The following DAPK1 variants were observed in gnomAD, a reference collection of about 807,000 sequenced individuals.
The protein encoded by DAPK1 is death-associated protein kinase 1.
In DAPK1, 56 loss-of-function variants were observed where a neutral mutation model predicts 144.9. The ratio of observed to expected loss-of-function variants is 0.39; its 90% CI spans 0.31 to 0.48. DAPK1 has a LOEUF of 0.48. Among genes scored for constraint, DAPK1 ranks in the 20% least tolerant of loss-of-function variants. The pLI is 0.95. For synonymous variants in DAPK1, 690 were observed against 749.0 expected (o/e 0.92, Z 1.29); for missense variants, 1,454 against 1,875.4 (o/e 0.78, Z 4.15).
chr9:87,668,349 G>T (rs778092927), intron 18 of DAPK1: 6 of 491,706 alleles, frequency 1.2e-5, no homozygotes, highest in Non-Finnish European at 2.2e-5. Flanking sequence ...GACCTGAAAG[G>T]TGTCGCTATT....
At chr9:87,512,258 G>T (rs1824876815) in intron 2 of DAPK1, among the ~76,000 whole-genome samples, 1 of 151,608 alleles carries the variant, frequency 6.6e-6, no homozygotes, top group Non-Finnish European at 1.5e-5. Flanking sequence ...AAGACACTGG[G>T]AATTTGATTA....
At chr9:87,659,270 C>T (rs1830744365) in intron 18 of DAPK1, among the ~76,000 whole-genome samples, 1 of 152,138 alleles carries the variant, frequency 6.6e-6, no homozygotes, top group African/African-American at 2.4e-5. Context: ...CCAGTTATTA[C>T]CAGTACTCCG....
At chr9:87,536,682 A>C (rs1050400410) in intron 2 of DAPK1, among the ~76,000 whole-genome samples, 4 of 152,126 alleles carry the variant, frequency 2.6e-5, no homozygotes, top group Admixed American at 2.0e-4. Context: ...GTCAGACTCA[A>C]ATTTTACTAG....
At chr9:87,525,467 T>C in intron 2 of DAPK1, 2 of 1,567,522 alleles carry the variant, frequency 1.3e-6, no homozygotes, top group South Asian at 1.1e-5. Context: ...TTTCATTAAG[T>C]TGGACTAAAT....
intron 2 of DAPK1, among the ~76,000 whole-genome samples, chr9:87,572,357 A>G (rs1827392994): frequency 6.6e-6 from 1 of 152,226 alleles, no homozygotes; most frequent in African/African-American, 2.4e-5. Context: ...GTGCCGTTAT[A>G]GATGGGAGCC....
At chr9:87,698,965 A>G (rs1430710278) in intron 23 of DAPK1, among the ~76,000 whole-genome samples, 171 bp downstream of exon 23, 1 of 152,212 alleles carries the variant, frequency 6.6e-6, no homozygotes, top group Non-Finnish European at 1.5e-5. Context: ...CTTATTGGAA[A>G]TGATCGGCTT....
intron 18 of DAPK1, among the ~76,000 whole-genome samples, chr9:87,660,804 G>C (rs1327670783): frequency 6.6e-6 from 1 of 152,104 alleles, no homozygotes; most frequent in Non-Finnish European, 1.5e-5. Context: ...TGCTACAAAG[G>C]ACATGATTTC....
chr9:87,607,212 C>G (rs1828763615), intron 3 of DAPK1, among the ~76,000 whole-genome samples: 1 of 152,060 alleles, frequency 6.6e-6, no homozygotes, highest in Non-Finnish European at 1.5e-5. Context: ...GAGACAGCAG[C>G]CTAGAGTGAA....
intron 2 of DAPK1, chr9:87,554,223 G>A (rs1252287458): frequency 6.6e-6 from 1 of 152,176 alleles, no homozygotes; most frequent in Non-Finnish European, 1.5e-5. Context: ...ATTTCCACTT[G>A]ATTTTGCCAT....
At chr9:87,603,158 C>T (rs1828588697) in intron 2 of DAPK1, among the ~76,000 whole-genome samples, 1 of 152,096 alleles carries the variant, frequency 6.6e-6, no homozygotes, top group East Asian at 1.9e-4. Flanking sequence ...GACACAATAA[C>T]ATCTTTGTAA....
At position 87,690,791 on chromosome 9, in the gene DAPK1, G is replaced by A. The variant is rs894802015; in HGVS notation, c.2413+4052G>A. ...GTTGAATTTTGTCAAATGCTTTTTC[G>A]GCATCTGTTGAGATTATGATATGGC... On this transcript the variant is annotated intron_variant, in intron 21 of 25. Coordinates refer to ENST00000408954, the MANE Select transcript of DAPK1 (RefSeq NM_004938.4). 1.9e-4 allele frequency among the ~76,000 whole-genome samples: 29 copies of A among 151,814 alleles called. 1 individual carries two copies. Among genetic ancestry groups the A allele is most frequent in the African/African-American group, 6.0e-4 (25 of 41,330 alleles).
chr9:87,565,018 C>T (rs901569169), intron 2 of DAPK1, among the ~76,000 whole-genome samples: 5 of 152,112 alleles, frequency 3.3e-5, no homozygotes, highest in African/African-American at 4.8e-5. Flanking sequence ...TCTGGGAAAA[C>T]ACAGTGAAAA....
rs1830122819 is a variant in DAPK1, at chr9:87,642,208, C to CT, written c.918+151dup. The CT allele has an allele frequency of 1.3e-5, 7 of 522,818 alleles. 1 individual carries two copies. The South Asian group carries it at 3.1e-4, about 23-fold the overall frequency. 32.4% of individuals were successfully genotyped at this position (522,818 alleles called of 1,614,324 possible). Reference sequence around the variant, plus strand: ...CCCTGTAGTGTTCTGCACCATTACTCTATTTTGAAAAACAAGCAAAAACAA... The same window carrying CT: ...CCCTGTAGTGTTCTGCACCATTACTCTTATTTTGAAAAACAAGCAAAAACAA... On this transcript the variant is annotated intron_variant, in intron 10 of 25. Coordinates refer to ENST00000408954, the MANE Select transcript of DAPK1 (RefSeq NM_004938.4).
chr9:87,703,306 C>G, intron 25 of DAPK1, 89 bp downstream of exon 25: 1 of 710,990 alleles, frequency 1.4e-6, no homozygotes, highest in Non-Finnish European at 2.5e-6. Flanking sequence ...GTGGTGTGAG[C>G]CTGGGGAAGC....
intron 2 of DAPK1, 106 bp downstream of exon 2, chr9:87,499,245 CT>C: frequency 9.9e-7 from 1 of 1,011,504 alleles, no homozygotes; most frequent in Non-Finnish European, 1.5e-6. Context: ...CTCCCTCGCC[CT>C]TTCTGGAGAT....
chr9:87,518,097 ATGTTGT>A (rs761493928), intron 2 of DAPK1, among the ~76,000 whole-genome samples: 2 of 70,160 alleles, frequency 2.9e-5, no homozygotes, highest in African/African-American at 4.9e-5. Flanking sequence ...TTTGCCGTTT[ATGTTGT>A]TGTTTTTTTT....
chr9:87,607,773 G>A (rs756082435), intron 3 of DAPK1, among the ~76,000 whole-genome samples: 9 of 151,946 alleles, frequency 5.9e-5, no homozygotes, highest in African/African-American at 1.2e-4. Flanking sequence ...ACCCCTTCAT[G>A]CCTGCCCTCT....
chr9:87,519,378 C>G (rs917172933), intron 2 of DAPK1, among the ~76,000 whole-genome samples: 1 of 152,214 alleles, frequency 6.6e-6, no homozygotes, highest in African/African-American at 2.4e-5. Context: ...TACCAGTGTC[C>G]CCCTTCGCTG....
At chr9:87,612,811 C>T (rs1256610663) in intron 3 of DAPK1, among the ~76,000 whole-genome samples, 1 of 152,162 alleles carries the variant, frequency 6.6e-6, no homozygotes, top group Non-Finnish European at 1.5e-5. Context: ...GGTTTGGAGT[C>T]TAACATAAGA....
Sources: allele counts gnomAD v4.1 joint callset (sites outside exome capture counted in the v4.1 genomes callset), GRCh38; gene constraint gnomAD v4.1.1; transcripts MANE v1.5; gene names NCBI Gene and HGNC (gene_info 2026-07-23, HGNC 2026-07-21).